Variants in KPNA7 observed in about 807,000 individuals in gnomAD.
KPNA7 encodes the protein importin subunit alpha-8.
In KPNA7, 54 loss-of-function variants were observed where a neutral mutation model predicts 53.7. That is an observed-to-expected ratio of 1.01 (90% CI 0.81 to 1.26). KPNA7 has a LOEUF of 1.26. Among genes scored for constraint, KPNA7 ranks in the 50% most tolerant of loss-of-function variants. The pLI, the probability that KPNA7 is intolerant of heterozygous loss-of-function variation, is 0.00. For synonymous variants in KPNA7, 276 were observed against 259.3 expected, an observed-to-expected ratio of 1.06 and a Z score of -0.62; for missense variants, 640 against 644.5, an observed-to-expected ratio of 0.99 and a Z score of 0.07.
chr7:99,148,922 G>A, the KPNA7 span, among the ~76,000 whole-genome samples: 5 of 132,996 alleles, frequency 3.8e-5, no homozygotes, highest in Non-Finnish European at 7.8e-5. Context: ...TTGAGACGGA[G>A]TCTTGCAGTG....
chr7:99,196,177 A>C lies in KPNA7; in HGVS notation c.202-11T>G, dbSNP rs1790223115. The C allele has an allele frequency of 6.5e-7, 1 of 1,544,426 alleles. No individual in the cohort carries two copies. Among genetic ancestry groups the C allele is most frequent in the Non-Finnish European group, 8.8e-7 (1 of 1,140,384 alleles). On this transcript the variant is annotated splice_polypyrimidine_tract_variant and intron_variant, in intron 3 of 10. Coordinates refer to ENST00000327442, the MANE Select transcript of KPNA7 (RefSeq NM_001145715.3). ...CAGAGTGAGGCTGACCTGCAAGAAGAGACACATTCAGGTCAGACTGTCTGC... is the reference window on the plus strand; with the variant it reads ...CAGAGTGAGGCTGACCTGCAAGAAGCGACACATTCAGGTCAGACTGTCTGC...
intron 2 of KPNA7, among the ~76,000 whole-genome samples, chr7:99,205,277 A>G (rs1284143607): frequency 6.7e-6 from 1 of 149,726 alleles, no homozygotes; most frequent in Non-Finnish European, 1.5e-5. Context: ...AAAAAAAAAA[A>G]TTAGCCGGGC....
chr7:99,171,586 T>A (rs141252128), downstream of KPNA7, among the ~76,000 whole-genome samples: 697 of 151,982 alleles, frequency 4.6e-3, 1 homozygote, highest in Non-Finnish European at 6.0e-3. Flanking sequence ...TTAATTAAAA[T>A]TTTAAAAGCC....
At chr7:99,145,941 A>G in the KPNA7 span, among the ~76,000 whole-genome samples, 1 of 152,210 alleles carries the variant, frequency 6.6e-6, no homozygotes, top group Non-Finnish European at 1.5e-5. Flanking sequence ...AGAAAGACCC[A>G]AGAATATAAG....
At chr7:99,218,707 C>A (rs1791273023) in intron 1 of KPNA7, among the ~76,000 whole-genome samples, 1 of 152,194 alleles carries the variant, frequency 6.6e-6, no homozygotes, top group Admixed American at 6.5e-5. Flanking sequence ...CAGCCTAGGC[C>A]TTCTCCAAGC....
intron 7 of KPNA7, among the ~76,000 whole-genome samples, chr7:99,186,551 T>G (rs747260828): frequency 9.2e-5 from 14 of 152,140 alleles, no homozygotes; most frequent in Non-Finnish European, 2.1e-4. Context: ...GAGACCAGCC[T>G]GGCCAACATG....
intron 3 of KPNA7, among the ~76,000 whole-genome samples, chr7:99,199,371 A>T (rs1363276403): frequency 6.6e-6 from 1 of 152,210 alleles, no homozygotes; most frequent in East Asian, 1.9e-4. Context: ...CAGTAATCAA[A>T]CCTTTGTTTG....
chr7:99,177,022 A>G (rs1039688821), intron 10 of KPNA7, among the ~76,000 whole-genome samples: 4 of 152,236 alleles, frequency 2.6e-5, no homozygotes, highest in Non-Finnish European at 5.9e-5. Context: ...TGCAGCATAT[A>G]CATTCAATGG....
At chr7:99,206,776 C>T (rs537822382) in intron 2 of KPNA7, among the ~76,000 whole-genome samples, 14 of 152,200 alleles carry the variant, frequency 9.2e-5, no homozygotes, top group African/African-American at 3.4e-4. Flanking sequence ...AGCTAAGCAG[C>T]CCTGTTTTAT....
At chr7:99,150,176 GC>G in the KPNA7 span, among the ~76,000 whole-genome samples, 1 of 151,536 alleles carries the variant, frequency 6.6e-6, no homozygotes, top group Non-Finnish European at 1.5e-5. Context: ...GTTCAGGGAA[GC>G]CTTGATCTCC....
chr7:99,190,583 T>C (rs1789894250), intron 6 of KPNA7, among the ~76,000 whole-genome samples: 1 of 152,086 alleles, frequency 6.6e-6, no homozygotes, highest in African/African-American at 2.4e-5. Flanking sequence ...GCCTGTGGCT[T>C]CTGTGGCAAC....
intron 1 of KPNA7, among the ~76,000 whole-genome samples, chr7:99,215,947 A>G (rs1791209500): frequency 6.6e-6 from 1 of 151,804 alleles, no homozygotes; most frequent in Admixed American, 6.6e-5. Flanking sequence ...ACTACGCTCC[A>G]GCCTAGGCAA....
chr7:99,190,432 T>C (rs1789881602), intron 6 of KPNA7, among the ~76,000 whole-genome samples: 1 of 152,106 alleles, frequency 6.6e-6, no homozygotes, highest in African/African-American at 2.4e-5. Context: ...CCAAATTAGC[T>C]GTTTCTACTT....
rs147582360 is a variant in KPNA7 at position 99,181,454 on chromosome 7, G to A, written c.1317+429C>T. ...CACATAGACATTTGTTTGAGAAAAC[G>A]AAGACCATGGTCCTTCGAGATGGCT... On this transcript the variant is annotated intron_variant, in intron 9 of 10. Coordinates refer to ENST00000327442, the MANE Select transcript of KPNA7 (RefSeq NM_001145715.3). Among the ~76,000 whole-genome samples, 31 of 152,314 alleles carry A rather than the reference G, an allele frequency of 2.0e-4. 1 individual carries two copies. The highest frequency in any genetic ancestry group is 7.2e-4 in the African/African-American group (30 of 41,574).
intron 6 of KPNA7, among the ~76,000 whole-genome samples, chr7:99,189,927 T>G (rs188176267): frequency 2.8e-3 from 419 of 152,028 alleles, no homozygotes; most frequent in Admixed American, 5.4e-3. Context: ...TTTCTAACCC[T>G]TCTTTGGGGT....
At chr7:99,212,395 C>A (rs1219163533), upstream of KPNA7, among the ~76,000 whole-genome samples, 4 of 151,924 alleles carry the variant, frequency 2.6e-5, no homozygotes, top group Non-Finnish European at 5.9e-5. Context: ...AGGCACCTGC[C>A]ACCACGCCCA....
rs1790164660 is a variant in KPNA7 at position 99,195,220 on chromosome 7, C to A, written c.403G>T (p.Ala135Ser). 2 of 1,551,556 alleles carry A rather than the reference C, an allele frequency of 1.3e-6. No individual in the cohort carries two copies. The highest frequency in any genetic ancestry group is 1.7e-6 in the Non-Finnish European group (2 of 1,147,018). Residue 135 changes from alanine to serine, a missense_variant, in exon 5 of 11, where the codon GCC becomes TCC. By Grantham distance (99) the Ala-to-Ser change is moderately conservative (BLOSUM62 1). Transcript: ENST00000327442. Reference sequence around the variant, plus strand: ...GAAGCGATGTTGGTCAGGGCCCAGGCAGCCTCAAACTGCAAGCAGGGGTAA... The same window carrying A: ...GAAGCGATGTTGGTCAGGGCCCAGGAAGCCTCAAACTGCAAGCAGGGGTAA... ...SLYPCLQFEA[A>S]WALTNIASGT...
At position 99,180,539 on chromosome 7, in the gene KPNA7, G is replaced by A. The variant is rs908829895; in HGVS notation, c.1317+1344C>T. Among the ~76,000 whole-genome samples the A allele has an allele frequency of 1.9e-4, 7 of 36,432 alleles. 1 individual carries two copies. The highest frequency in any genetic ancestry group is 7.2e-4 in the East Asian group (1 of 1,396). 23.9% of individuals were successfully genotyped at this position (36,432 alleles called of 152,430 possible). The stretch of plus-strand genomic sequence containing the variant: ...TCTGTGTCTCTATCTCTCTGTCTCC[G>A]TCTGTCTCCGTCTGTCTCTGTCTCT... On this transcript the variant is annotated intron_variant, in intron 9 of 10. Transcript: ENST00000327442.
chr7:99,188,423 C>T lies in KPNA7; in HGVS notation c.777G>A (p.Ser259=), dbSNP rs77084640. The T allele has an allele frequency of 6.5e-4, 1,005 of 1,551,610 alleles. No individual in the cohort carries two copies. Among genetic ancestry groups the T allele is most frequent in the Non-Finnish European group, 8.3e-4 (948 of 1,146,998 alleles). Residue 259 remains serine, a synonymous_variant, in exon 7 of 11, where the codon TCG becomes TCA. Coordinates refer to ENST00000327442, the MANE Select transcript of KPNA7 (RefSeq NM_001145715.3). ...GGTAGGACAGTGCCCAGCAGGCATC[C>T]GAGAGAACCTCACTGTCCTGGTGCT... The part of the protein sequence containing the change: ...LLQHQDSEVL[S]DACWALSYLT...
Sources: gnomAD v4.1 joint callset for allele counts (sites outside exome capture counted in the v4.1 genomes callset) on GRCh38, gnomAD v4.1.1 for gene constraint, MANE v1.5 for transcripts, NCBI Gene and HGNC (gene_info 2026-07-23, HGNC 2026-07-21) for gene names.